Variants in FGF12 observed in about 807,000 individuals in gnomAD.
FGF12 encodes fibroblast growth factor 12B.
FGF12 carries 14 observed loss-of-function variants against 23.6 expected under a neutral mutation model. The observed-to-expected ratio is 0.59, with a 90% CI of 0.39 to 0.93. FGF12 has a LOEUF of 0.93. Among genes scored for constraint, FGF12 ranks in the 40% least tolerant of loss-of-function variants. The pLI is 0.00. For missense variants in FGF12, 175 were observed against 217.8 expected, an observed-to-expected ratio of 0.80 and a Z score of 1.24; for synonymous variants, 62 against 77.3, an observed-to-expected ratio of 0.80 and a Z score of 1.04.
chr3:192,225,427 T>A (rs1162715650), intron 4 of FGF12, among the ~76,000 whole-genome samples: 1 of 152,066 alleles, frequency 6.6e-6, no homozygotes, highest in Non-Finnish European at 1.5e-5. Flanking sequence ...ACACATACAT[T>A]CTTAATGCAT....
At chr3:192,386,009 A>G (rs1720026079) in intron 2 of FGF12, among the ~76,000 whole-genome samples, 1 of 152,338 alleles carries the variant, frequency 6.6e-6, no homozygotes, top group South Asian at 2.1e-4. Flanking sequence ...CTATTTTAAC[A>G]TGAAGGTAAC....
intron 2 of FGF12, among the ~76,000 whole-genome samples, chr3:192,680,687 AACCATAGCATCT>A (rs1426340719): frequency 6.6e-6 from 1 of 152,242 alleles, no homozygotes; most frequent in Non-Finnish European, 1.5e-5. Context: ...CCTCTCTTTT[AACCATAGCATCT>A]ACATTTATAA....
chr3:192,640,432 T>C (rs1715749038), intron 2 of FGF12, among the ~76,000 whole-genome samples: 1 of 152,224 alleles, frequency 6.6e-6, no homozygotes, highest in Non-Finnish European at 1.5e-5. Context: ...TTTCACAGGC[T>C]AATTTTATAT....
intron 2 of FGF12, among the ~76,000 whole-genome samples, chr3:192,614,552 C>T (rs1242191055): frequency 2.0e-5 from 3 of 151,868 alleles, no homozygotes. Flanking sequence ...TGCTTATTAC[C>T]TTAGATACAT....
chr3:192,156,243 C>G (rs1247709510), intron 5 of FGF12, among the ~76,000 whole-genome samples: 2 of 152,158 alleles, frequency 1.3e-5, no homozygotes, highest in African/African-American at 4.8e-5. Context: ...TTCTTGTCTT[C>G]CCAGTTCCCC....
intron 4 of FGF12, among the ~76,000 whole-genome samples, chr3:192,244,043 A>AT (rs1166844129): frequency 6.6e-6 from 1 of 152,142 alleles, no homozygotes; most frequent in African/African-American, 2.4e-5. Flanking sequence ...TATCCATCAT[A>AT]TTTTTTAAAA....
chr3:192,475,937 T>TGATAGATA (rs111672806), intron 2 of FGF12, among the ~76,000 whole-genome samples: 2,448 of 151,982 alleles, frequency 0.016, 62 homozygotes, highest in African/African-American at 0.053. Flanking sequence ...TATAGATAGA[T>TGATAGATA]GATAGATAGA....
chr3:192,700,983 G>C (rs1173113029), intron 2 of FGF12, among the ~76,000 whole-genome samples: 2 of 151,924 alleles, frequency 1.3e-5, no homozygotes, highest in Non-Finnish European at 2.9e-5. Flanking sequence ...ACATTATGTA[G>C]AGAATCCTCT....
At chr3:192,546,093 A>C (rs1455185676) in intron 2 of FGF12, among the ~76,000 whole-genome samples, 1 of 152,230 alleles carries the variant, frequency 6.6e-6, no homozygotes, top group Non-Finnish European at 1.5e-5. Context: ...GTGGTGGAAA[A>C]GAACATAACT....
intron 2 of FGF12, among the ~76,000 whole-genome samples, chr3:192,552,146 A>G (rs1209252532): frequency 1.3e-5 from 2 of 152,146 alleles, no homozygotes; most frequent in African/African-American, 4.8e-5. Context: ...AATTCACTAG[A>G]TGGGCTGAAC....
chr3:192,405,935 G>A lies in FGF12; in HGVS notation c.14-45397C>T, dbSNP rs145286372. 5.6e-3 allele frequency among the ~76,000 whole-genome samples: 859 copies of A among 152,204 alleles called. 2 individuals are homozygous for A. Among genetic ancestry groups the A allele is most frequent in the Non-Finnish European group, 9.1e-3 (620 of 68,022 alleles). On this transcript the variant is annotated intron_variant, in intron 2 of 5. Coordinates refer to ENST00000445105, the MANE Select transcript of FGF12 (RefSeq NM_004113.6). ...AAACTGAAATGGTATACAAATACAC[G>A]CAGGTTGCCCTTGCACTGGGAATGT...
chr3:192,672,593 G>A (rs1452141748), intron 2 of FGF12, among the ~76,000 whole-genome samples: 2 of 150,980 alleles, frequency 1.3e-5, no homozygotes, highest in African/African-American at 2.4e-5. Context: ...TTATCAAACC[G>A]TTGAAGTGAT....
Position 192,527,614 on chromosome 3 carries a change from C to T in FGF12, c.14-167076G>A, listed in dbSNP as rs181066192. On this transcript the variant is annotated intron_variant, in intron 2 of 5. Coordinates refer to ENST00000445105, the MANE Select transcript of FGF12 (RefSeq NM_004113.6). ...GCCAGCACTAGATAACCATCTTCAG[C>T]ATCCTGGGCTTATGTAAATAATCCA... 5.9e-5 allele frequency among the ~76,000 whole-genome samples: 9 copies of T among 152,286 alleles called. No homozygotes were observed. In the East Asian group the frequency reaches 1.7e-3, roughly 29 times the overall value.
chr3:192,393,096 CA>C (rs1311668784), intron 2 of FGF12, among the ~76,000 whole-genome samples: 2 of 152,174 alleles, frequency 1.3e-5, no homozygotes, highest in Admixed American at 6.5e-5. Flanking sequence ...TCTCCCTCTC[CA>C]CCAGGAGTAA....
intron 2 of FGF12, among the ~76,000 whole-genome samples, chr3:192,386,116 A>G (rs984999833): frequency 6.6e-6 from 1 of 152,230 alleles, no homozygotes; most frequent in African/African-American, 2.4e-5. Flanking sequence ...TAAATGACAC[A>G]CATCTAATTA....
At chr3:192,707,744 CA>C (rs780175053) in intron 2 of FGF12, among the ~76,000 whole-genome samples, 30 of 84,846 alleles carry the variant, frequency 3.5e-4, no homozygotes, top group South Asian at 2.3e-3. Context: ...GACTCCTTCT[CA>C]AAAAAAAAAA....
At chr3:192,633,694 T>G (rs912509184) in intron 2 of FGF12, among the ~76,000 whole-genome samples, 3 of 152,186 alleles carry the variant, frequency 2.0e-5, no homozygotes, top group African/African-American at 7.2e-5. Flanking sequence ...TTCAACTTCT[T>G]TTAATTTACA....
intron 4 of FGF12, among the ~76,000 whole-genome samples, chr3:192,282,451 C>T (rs1358646523): frequency 6.6e-6 from 1 of 152,088 alleles, no homozygotes; most frequent in Non-Finnish European, 1.5e-5. Flanking sequence ...CCACTGTGTG[C>T]CGTCCCTCCA....
chr3:192,284,237 G>A (rs1042844872), intron 4 of FGF12, among the ~76,000 whole-genome samples: 2 of 152,096 alleles, frequency 1.3e-5, no homozygotes, highest in Non-Finnish European at 2.9e-5. Flanking sequence ...TTCTTGATGA[G>A]GAGGATCATG....
Sources: allele counts gnomAD v4.1 joint callset (sites outside exome capture counted in the v4.1 genomes callset), GRCh38; gene constraint gnomAD v4.1.1; transcripts MANE v1.5; gene names NCBI Gene and HGNC (gene_info 2026-07-23, HGNC 2026-07-21).